Variants in ST6GAL1 observed in about 807,000 individuals in gnomAD.
ST6GAL1 encodes beta-galactoside alpha-2,6-sialyltransferase 1.
Under a neutral mutation model 38.0 loss-of-function variants are expected in ST6GAL1, and 20 were observed. The ratio of observed to expected loss-of-function variants is 0.53; its 90% CI spans 0.37 to 0.77. The LOEUF (loss-of-function observed/expected upper bound fraction) is 0.77, where lower values mean the gene tolerates loss of function less well. ST6GAL1 is among the 30% of genes least tolerant of loss of function. The pLI is 0.00. For missense variants in ST6GAL1, 432 were observed against 496.4 expected (o/e 0.87, Z 1.23); for synonymous variants, 196 against 188.2 (o/e 1.04, Z -0.34).
intron 2 of ST6GAL1, among the ~76,000 whole-genome samples, chr3:186,967,335 G>A (rs1346987862): frequency 3.9e-5 from 6 of 152,168 alleles, no homozygotes; most frequent in Non-Finnish European, 1.5e-5. Flanking sequence ...GAGATTACAG[G>A]CGCCTGCCAC....
chr3:186,964,447 T>C (rs1363660012), intron 2 of ST6GAL1: 1 of 152,222 alleles, frequency 6.6e-6, no homozygotes, highest in African/African-American at 2.4e-5. Context: ...TAGGTGCTCA[T>C]AGAATGATTG....
At chr3:186,972,564 T>A (rs1715387071) in intron 2 of ST6GAL1, among the ~76,000 whole-genome samples, 1 of 152,010 alleles carries the variant, frequency 6.6e-6, no homozygotes, top group Admixed American at 6.6e-5. Context: ...CTTGTTACTA[T>A]GTGTACATTA....
chr3:187,064,432 G>A (rs1371287133), intron 5 of ST6GAL1: 15 of 441,630 alleles, frequency 3.4e-5, no homozygotes, highest in South Asian at 2.3e-4. Flanking sequence ...TAGCTCCCGT[G>A]GAATCAGAAT....
At chr3:187,070,730 C>T (rs573235596) in intron 5 of ST6GAL1, among the ~76,000 whole-genome samples, 2 of 152,164 alleles carry the variant, frequency 1.3e-5, no homozygotes, top group South Asian at 4.2e-4. Context: ...GCCCAACACT[C>T]GCTCACTTTA....
At chr3:186,971,494 C>T (rs1307722508) in intron 2 of ST6GAL1, among the ~76,000 whole-genome samples, 5 of 152,176 alleles carry the variant, frequency 3.3e-5, no homozygotes, top group Non-Finnish European at 7.3e-5. Flanking sequence ...TTCTGCTCCC[C>T]CAGTCTGGCT....
At chr3:187,000,425 T>C (rs1467282911) in intron 2 of ST6GAL1, among the ~76,000 whole-genome samples, 1 of 149,842 alleles carries the variant, frequency 6.7e-6, no homozygotes, top group Non-Finnish European at 1.5e-5. Context: ...TAGCTAGGCT[T>C]GGTGGAGGTG....
intron 1 of ST6GAL1, among the ~76,000 whole-genome samples, chr3:186,951,486 G>A (rs1343548004): frequency 6.6e-6 from 1 of 152,164 alleles, no homozygotes; most frequent in African/African-American, 2.4e-5. Context: ...ACGTATTGCT[G>A]CCTGAATTCC....
intron 1 of ST6GAL1, among the ~76,000 whole-genome samples, chr3:186,962,486 C>T (rs1010221503): frequency 4.6e-5 from 7 of 152,138 alleles, no homozygotes; most frequent in African/African-American, 1.4e-4. Context: ...GAAATGGTTA[C>T]ACCAGGTGAA....
intron 5 of ST6GAL1, among the ~76,000 whole-genome samples, chr3:187,056,578 C>T (rs2111100): frequency 0.76 from 116,316 of 152,102 alleles, 44,718 homozygotes; most frequent in East Asian, 0.85. Flanking sequence ...TTTGGCTGGA[C>T]ATGAAATTCT....
At chr3:186,969,051 C>CTTTTTTTTTTT (rs34520153) in intron 2 of ST6GAL1, among the ~76,000 whole-genome samples, 1 of 89,252 alleles carries the variant, frequency 1.1e-5, no homozygotes, top group Non-Finnish European at 2.3e-5. Context: ...TTCTCTTTTT[C>CTTTTTTTTTTT]TTTTTTTTTT....
intron 5 of ST6GAL1, among the ~76,000 whole-genome samples, chr3:187,053,938 AT>A (rs1276982581): frequency 6.6e-6 from 1 of 152,192 alleles, no homozygotes; most frequent in Non-Finnish European, 1.5e-5. Context: ...TGAGCATGGA[AT>A]GTTCTTCCAT....
intron 1 of ST6GAL1, among the ~76,000 whole-genome samples, chr3:186,942,005 C>G (rs1714196007): frequency 6.7e-6 from 1 of 150,300 alleles, no homozygotes; most frequent in African/African-American, 2.5e-5. Context: ...GAGCAAGACT[C>G]CGTCTCAAAA....
chr3:186,935,418 T>A (rs1330797636), intron 1 of ST6GAL1, among the ~76,000 whole-genome samples: 1 of 152,168 alleles, frequency 6.6e-6, no homozygotes, highest in Admixed American at 6.5e-5. Context: ...CTACTGTTGA[T>A]GGGTATTTAG....
chr3:187,028,625 T>G (rs1717628281), intron 2 of ST6GAL1, among the ~76,000 whole-genome samples: 1 of 152,208 alleles, frequency 6.6e-6, no homozygotes. Context: ...CTTAATACCA[T>G]ATAATAACCA....
chr3:187,043,819 G>A (rs1055441112), intron 4 of ST6GAL1: 1 of 152,250 alleles, frequency 6.6e-6, no homozygotes, highest in Non-Finnish European at 1.5e-5. Flanking sequence ...TCATTTCCAG[G>A]TTCTGAAATT....
chr3:186,992,261 C>G (rs900115889), intron 2 of ST6GAL1, among the ~76,000 whole-genome samples: 4 of 152,074 alleles, frequency 2.6e-5, no homozygotes, highest in African/African-American at 9.7e-5. Flanking sequence ...TGAGTTCTCA[C>G]AAGATCTGAT....
Position 186,971,280 on chromosome 3 carries a change from G to A in ST6GAL1, c.-183+7354G>A, listed in dbSNP as rs140621432. On this transcript the variant is annotated intron_variant, in intron 2 of 7. Transcript: ENST00000169298. Reference sequence around the variant, plus strand: ...ATTTTTTTGTATCTTTAGTAGAGACGGGGTTTTGCCATGTTGGCCAGTGGC... The same window carrying A: ...ATTTTTTTGTATCTTTAGTAGAGACAGGGTTTTGCCATGTTGGCCAGTGGC... 8.1e-3 allele frequency among the ~76,000 whole-genome samples: 1,230 copies of A among 152,296 alleles called. 18 individuals carry two copies. The highest frequency in any genetic ancestry group is 0.028 in the African/African-American group (1,154 of 41,546).
chr3:186,971,988 T>A (rs1462882080), intron 2 of ST6GAL1, among the ~76,000 whole-genome samples: 1 of 152,208 alleles, frequency 6.6e-6, no homozygotes, highest in East Asian at 1.9e-4. Context: ...TTCAATGCAC[T>A]GGGGAAAGAA....
chr3:187,035,068 A>G (rs1399969170), intron 2 of ST6GAL1, among the ~76,000 whole-genome samples: 1 of 152,208 alleles, frequency 6.6e-6, no homozygotes, highest in Non-Finnish European at 1.5e-5. Context: ...AGGATACAAA[A>G]CCAGTGTATA....
Sources: gnomAD v4.1 joint callset for allele counts (sites outside exome capture counted in the v4.1 genomes callset) on GRCh38, gnomAD v4.1.1 for gene constraint, MANE v1.5 for transcripts, NCBI Gene and HGNC (gene_info 2026-07-23, HGNC 2026-07-21) for gene names.